SNX14: variants seen among roughly 807,000 people sequenced by gnomAD.
SNX14 encodes the protein sorting nexin-14.
A neutral mutation model predicts 133.8 loss-of-function variants in SNX14; 93 were observed. The observed-to-expected ratio is 0.70, with a 90% CI of 0.59 to 0.83. The LOEUF is 0.83. Ranked by LOEUF, SNX14 falls within the 40% of genes least tolerant of loss-of-function variation. SNX14 has a pLI of 0.00. For synonymous variants in SNX14, 368 were observed against 365.6 expected (o/e 1.01, Z -0.07); for missense variants, 945 against 1,094.9 (o/e 0.86, Z 1.93).
intron 1 of SNX14, among the ~76,000 whole-genome samples, chr6:85,591,388 A>G (rs550371807): frequency 6.6e-6 from 1 of 152,290 alleles, no homozygotes; most frequent in East Asian, 1.9e-4. Flanking sequence ...AGTGTTTAAA[A>G]TCACTTTTGC....
chr6:85,549,640 G>A, intron 8 of SNX14, 83 bp downstream of exon 8: 1 of 1,192,998 alleles, frequency 8.4e-7, no homozygotes, highest in Non-Finnish European at 1.1e-6. Context: ...TCAAATTTTA[G>A]CATATGCCTA....
At chr6:85,580,123 C>T (rs1798587495) in intron 1 of SNX14, among the ~76,000 whole-genome samples, 1 of 152,178 alleles carries the variant, frequency 6.6e-6, no homozygotes, top group African/African-American at 2.4e-5. Flanking sequence ...GTAAAGATAA[C>T]TCTGTCTTTC....
chr6:85,514,152 C>T lies in SNX14; in HGVS notation c.2475G>A (p.Met825Ile). 2 of 1,613,996 alleles carry T rather than the reference C, an allele frequency of 1.2e-6. No homozygotes were observed. Among genetic ancestry groups the T allele is most frequent in the South Asian group, 1.1e-5 (1 of 91,070 alleles). The change falls in exon 25 of 29, where the codon ATG (methionine) becomes ATA (isoleucine). Residue 825 changes from methionine to isoleucine, a missense_variant. Around this residue, in one of 3 missense-constraint regions of SNX14, gnomAD observed 412 missense variants for 516.6 expected, o/e 0.80. Coordinates refer to ENST00000314673, the MANE Select transcript of SNX14 (RefSeq NM_153816.6). ...TACACTGAAGATAGTAATCAGTATA[C>T]ATTTCCAGGGTGTTTTTAAAGAGGA... ...TRILFKNTLE[M>I]YTDYYLQCKL...
intron 26 of SNX14, among the ~76,000 whole-genome samples, chr6:85,512,105 T>C (rs1293119395): frequency 1.3e-5 from 2 of 152,156 alleles, no homozygotes; most frequent in Non-Finnish European, 2.9e-5. Flanking sequence ...TTCTTCCATG[T>C]GGAAGGCCAG....
chr6:85,540,190 G>T (rs1302115106), intron 15 of SNX14, among the ~76,000 whole-genome samples: 1 of 152,134 alleles, frequency 6.6e-6, no homozygotes, highest in East Asian at 1.9e-4. Flanking sequence ...TTGAACTCCT[G>T]ACCTGAGGTG....
At chr6:85,570,157 A>T in intron 4 of SNX14, among the ~76,000 whole-genome samples, 1 of 152,208 alleles carries the variant, frequency 6.6e-6, no homozygotes, top group East Asian at 1.9e-4. Context: ...CTTCTAGACT[A>T]AAGTTCCTGG....
intron 4 of SNX14, among the ~76,000 whole-genome samples, chr6:85,571,438 T>C (rs1037995451): frequency 6.7e-6 from 1 of 150,000 alleles, no homozygotes; most frequent in Non-Finnish European, 1.5e-5. Flanking sequence ...GGATACAAAA[T>C]GGGATAAAGA....
intron 26 of SNX14, among the ~76,000 whole-genome samples, chr6:85,512,823 G>A (rs561318629): frequency 6.6e-6 from 1 of 152,070 alleles, no homozygotes; most frequent in South Asian, 2.1e-4. Context: ...CCAACCTTGG[G>A]GGGCAGTGGC....
Position 85,517,895 on chromosome 6 carries a change from T to A in SNX14, c.2149-20A>T, listed in dbSNP as rs375087450. The A allele has an allele frequency of 6.3e-7, 1 of 1,580,242 alleles. No individual in the cohort carries two copies. The highest frequency in any genetic ancestry group is 1.4e-5 in the African/African-American group (1 of 72,716). On this transcript the variant is annotated intron_variant, in intron 22 of 28. Transcript: ENST00000314673. ...ACCTTTCTGTGGTGATAGATTATTG[T>A]AAGAAAATAAAAAATAAAGGTAATT...
intron 6 of SNX14, among the ~76,000 whole-genome samples, chr6:85,561,493 T>C (rs1791603318): frequency 1.3e-5 from 2 of 152,256 alleles, no homozygotes; most frequent in Admixed American, 6.5e-5. Flanking sequence ...AAATGGTTTG[T>C]CATCAACCAA....
Position 85,547,412 on chromosome 6 carries a change from G to T in SNX14, c.913-15C>A, listed in dbSNP as rs1220360718. The T allele has an allele frequency of 6.2e-7, 1 of 1,611,912 alleles. No individual in the cohort carries two copies. The highest frequency in any genetic ancestry group is 8.5e-7 in the Non-Finnish European group (1 of 1,179,514). ...GCTTTTTCAGGCTTTGAAAGAAAGA[G>T]AATTATTAACTCAGTAAAATTCCCA... On this transcript the variant is annotated splice_polypyrimidine_tract_variant and intron_variant, in intron 10 of 28. Transcript: ENST00000314673.
chr6:85,536,718 A>G, intron 17 of SNX14, 74 bp downstream of exon 17: 1 of 1,429,514 alleles, frequency 7.0e-7, no homozygotes, highest in Non-Finnish European at 9.4e-7. Context: ...AAAGGAAAAT[A>G]ATGAGTATAT....
intron 1 of SNX14, among the ~76,000 whole-genome samples, chr6:85,583,888 A>G (rs1265523606): frequency 6.6e-6 from 1 of 151,626 alleles, no homozygotes; most frequent in East Asian, 1.9e-4. Context: ...ACAGAATTAG[A>G]AAAAAAAATA....
At chr6:85,532,829 C>T (rs1780691389) in intron 18 of SNX14, among the ~76,000 whole-genome samples, 1 of 151,956 alleles carries the variant, frequency 6.6e-6, no homozygotes, top group South Asian at 2.1e-4. Flanking sequence ...CTGACATAAC[C>T]GAAAGAAAAA....
At chr6:85,518,586 A>T (rs574845849) in intron 21 of SNX14, among the ~76,000 whole-genome samples, 3 of 152,334 alleles carry the variant, frequency 2.0e-5, no homozygotes, top group African/African-American at 7.2e-5. Flanking sequence ...AATTTGAAAC[A>T]TCAAACATCT....
chr6:85,528,849 A>G (rs1045846200), intron 19 of SNX14, among the ~76,000 whole-genome samples: 2 of 152,100 alleles, frequency 1.3e-5, no homozygotes, highest in African/African-American at 4.8e-5. Context: ...TTGAGGTCAG[A>G]AGTTCAAGAC....
chr6:85,589,027 C>A (rs1031329172), intron 1 of SNX14: 12 of 379,394 alleles, frequency 3.2e-5, no homozygotes, highest in African/African-American at 2.3e-4. Context: ...AGAAGTACAT[C>A]ATGATTTCTG....
intron 9 of SNX14, 25 bp from the exon 10 acceptor site, chr6:85,547,575 T>G (rs754503517): frequency 1.3e-6 from 2 of 1,541,106 alleles, no homozygotes; most frequent in South Asian, 2.4e-5. Context: ...TAAACATAAG[T>G]CAAAATAATT....
intron 1 of SNX14, among the ~76,000 whole-genome samples, chr6:85,592,150 T>G (rs966318535): frequency 1.3e-5 from 2 of 152,242 alleles, no homozygotes; most frequent in African/African-American, 4.8e-5. Flanking sequence ...ATCCCACTTC[T>G]CCCACACTCC....
Sources: gnomAD v4.1 joint callset for allele counts (sites outside exome capture counted in the v4.1 genomes callset) on GRCh38, gnomAD v4.1.1 for gene constraint, gnomAD v4.1.1 regional missense constraint, MANE v1.5 for transcripts, NCBI Gene and HGNC (gene_info 2026-07-23, HGNC 2026-07-21) for gene names.